The following NEB variants were observed in gnomAD, a reference collection of about 807,000 sequenced individuals.
The protein encoded by NEB is nebulin.
In NEB, 512 loss-of-function variants were observed where a neutral mutation model predicts 952.2. That is an observed-to-expected ratio of 0.54 (90% CI 0.50 to 0.58). The LOEUF (loss-of-function observed/expected upper bound fraction) is 0.58. Among genes scored for constraint, NEB ranks in the 20% least tolerant of loss-of-function variants. The pLI, the probability that NEB is intolerant of heterozygous loss-of-function variation, is 0.00. For synonymous variants in NEB, 2,900 were observed against 3,149.8 expected, an observed-to-expected ratio of 0.92 and a Z score of 2.66; for missense variants, 8,428 against 9,231.1, an observed-to-expected ratio of 0.91 and a Z score of 3.56.
In NEB at chr2:151,561,197, G is replaced by A. The variant is rs1390102789; in HGVS notation, c.19101+11C>T. Reference sequence around the variant, plus strand: ...AGTTTGTCCCTGGAAGAGGAGTACAGGAAGACGCACCTCACTGGCATTAAT... The same window carrying A: ...AGTTTGTCCCTGGAAGAGGAGTACAAGAAGACGCACCTCACTGGCATTAAT... On this transcript the variant is annotated intron_variant, in intron 122 of 181. Coordinates refer to ENST00000397345, the MANE Select transcript of NEB (RefSeq NM_001164508.2). The A allele has an allele frequency of 1.3e-6, 2 of 1,598,556 alleles. No homozygotes were observed. Among genetic ancestry groups the A allele is most frequent in the African/African-American group, 2.7e-5 (2 of 74,686 alleles).
chr2:151,499,760 G>A (rs1323619830), intron 168 of NEB, among the ~76,000 whole-genome samples: 1 of 152,110 alleles, frequency 6.6e-6, no homozygotes, highest in Non-Finnish European at 1.5e-5. Flanking sequence ...TTTGTCTTAC[G>A]GTCTAACAAA....
intron 51 of NEB, among the ~76,000 whole-genome samples, chr2:151,654,661 T>C (rs760889364): frequency 3.3e-5 from 5 of 152,202 alleles, no homozygotes; most frequent in Non-Finnish European, 7.3e-5. Flanking sequence ...AGGTACTGTA[T>C]TGAGAATCTT....
Position 151,672,362 on chromosome 2 carries a change from T to C in NEB, c.4299+7A>G, listed in dbSNP as rs373926259. 99 of 1,582,688 alleles carry C rather than the reference T, an allele frequency of 6.3e-5. No individual in the cohort carries two copies. In the African/African-American group the frequency reaches 1.3e-3, roughly 20 times the overall value. Reference sequence around the variant, plus strand: ...ACATCTCTGGGTCTGTTGTTACACATACTTACATCACTCTGAATTTGATTG... The same window carrying C: ...ACATCTCTGGGTCTGTTGTTACACACACTTACATCACTCTGAATTTGATTG... On this transcript the variant is annotated splice_region_variant and intron_variant, in intron 37 of 181. Transcript: ENST00000397345.
At chr2:151,669,174 T>G in intron 38 of NEB, 43 bp from the exon 39 acceptor site, 1 of 1,334,248 alleles carries the variant, frequency 7.5e-7, no homozygotes, top group South Asian at 1.3e-5. Context: ...TTAGCTGACA[T>G]AATATAAATT....
Position 151,568,143 on chromosome 2 carries a change from G to T in NEB, c.17772C>A (p.Ala5924=). 6.2e-7 allele frequency: 1 copy of T among 1,613,656 alleles called. No individual in the cohort carries two copies. The highest frequency in any genetic ancestry group is 8.5e-7 in the Non-Finnish European group (1 of 1,179,776). The change falls in exon 113 of 182, where the codon GCC becomes GCA. Residue 5924 remains alanine, a synonymous_variant. Coordinates refer to ENST00000397345, the MANE Select transcript of NEB (RefSeq NM_001164508.2). ...CATCTGGAGGCAAAATGTAACCTGT[G>T]GCTTTTTGTCTCTCCCAGCCTTCCT... ...LYKEGWERQK[A]TGYILPPDAV...
At position 151,608,571 on chromosome 2, in the gene NEB, T is replaced by C. The variant is rs2097773904; in HGVS notation, c.12436A>G (p.Arg4146Gly). Reference sequence around the variant, plus strand: ...GCTTCTGGACGTGTCCTATAGAGTCTTTCATTCACGAGGTCTTGAGCAACC... The same window carrying C: ...GCTTCTGGACGTGTCCTATAGAGTCCTTCATTCACGAGGTCTTGAGCAACC... The part of the protein sequence containing the change: ...VKVAQDLVNE[R>G]LYRTRPEALS... The change falls in exon 82 of 182, where the codon AGA becomes GGA. Residue 4146 changes from arginine (R) to glycine (G), a missense_variant. By Grantham distance (125) the Arg-to-Gly change is moderately radical. Around this residue, in one of 11 missense-constraint regions of NEB, gnomAD observed 14 missense variants for 46.4 expected, o/e 0.30. Transcript: ENST00000397345. 3.8e-5 allele frequency: 5 copies of C among 130,458 alleles called. No homozygotes were observed. The East Asian group carries it at 4.7e-4, about 12-fold the overall frequency. 8.1% of individuals were successfully genotyped at this position (130,458 alleles called of 1,614,324 possible). A position where few individuals can be genotyped will look rare whatever the true frequency, so the allele number is the denominator to read the frequency against.
intron 52 of NEB, among the ~76,000 whole-genome samples, chr2:151,651,714 C>T (rs2099031776): frequency 6.6e-6 from 1 of 152,122 alleles, no homozygotes; most frequent in Admixed American, 6.6e-5. Context: ...AATGAGTATA[C>T]TAACAGCATT....
chr2:151,666,491 T>C, intron 40 of NEB, 90 bp from the exon 41 acceptor site: 3 of 1,303,020 alleles, frequency 2.3e-6, no homozygotes, highest in South Asian at 3.0e-5. Flanking sequence ...AAAAGCCAAC[T>C]TCAGTCTGAA....
At chr2:151,701,748 TTCTC>T (rs1438065484) in intron 13 of NEB, among the ~76,000 whole-genome samples, 2 of 150,936 alleles carry the variant, frequency 1.3e-5, no homozygotes, top group African/African-American at 2.4e-5. Flanking sequence ...TATTTGATTC[TTCTC>T]TCTTTTTTTC....
rs1193671623 is a variant in NEB, at chr2:151,555,661, A to G, written c.19315-617T>C. Among the ~76,000 whole-genome samples, 3 of 152,314 alleles carry G rather than the reference A, an allele frequency of 2.0e-5. No individual in the cohort carries two copies. The East Asian group carries it at 5.8e-4, about 29-fold the overall frequency. ...AGATCCAATCTCATAGCACACAATAATAAAATAACAGTTCTTCCAAAACTC... is the reference window on the plus strand; with the variant it reads ...AGATCCAATCTCATAGCACACAATAGTAAAATAACAGTTCTTCCAAAACTC... On this transcript the variant is annotated intron_variant, in intron 124 of 181. Coordinates refer to ENST00000397345, the MANE Select transcript of NEB (RefSeq NM_001164508.2).
At chr2:151,556,134 CA>C (rs896289445) in intron 124 of NEB, among the ~76,000 whole-genome samples, 1 of 152,134 alleles carries the variant, frequency 6.6e-6, no homozygotes, top group Non-Finnish European at 1.5e-5. Flanking sequence ...TGGGTAAAAT[CA>C]AATATGTTAC....
At chr2:151,708,077 C>T (rs1343168517) in intron 12 of NEB, among the ~76,000 whole-genome samples, 1 of 152,178 alleles carries the variant, frequency 6.6e-6, no homozygotes, top group East Asian at 1.9e-4. Flanking sequence ...AAAGCCATCC[C>T]CTCCTCTTAA....
At chr2:151,610,925 A>T in intron 78 of NEB, 59 bp from the exon 79 acceptor site, 1 of 1,039,772 alleles carries the variant, frequency 9.6e-7, no homozygotes, top group Non-Finnish European at 1.4e-6. Context: ...ACCTTCTGTT[A>T]AAGCCAATAA....
At chr2:151,672,268 C>T (rs973862180) in intron 37 of NEB, 101 bp downstream of exon 37, 14 of 1,166,156 alleles carry the variant, frequency 1.2e-5, no homozygotes, top group Non-Finnish European at 1.5e-5. Context: ...TTCTAAAGTG[C>T]ATTTGTCAAA....
chr2:151,720,395 A>G (rs1344703260), intron 9 of NEB, among the ~76,000 whole-genome samples: 1 of 152,232 alleles, frequency 6.6e-6, no homozygotes, highest in Non-Finnish European at 1.5e-5. Flanking sequence ...CATAGTACTG[A>G]CAACAGTATT....
At chr2:151,697,101 G>A (rs780878097) in intron 16 of NEB, 47 bp downstream of exon 16, 1 of 1,389,792 alleles carries the variant, frequency 7.2e-7, no homozygotes, top group Admixed American at 1.9e-5. Flanking sequence ...CTGACCACTA[G>A]ATGCTATGGA....
Position 151,570,395 on chromosome 2 carries a change from G to T in NEB, c.17119-3C>A. ...TCATGGTCAAGCTTATATTTATACT[G>T]GAGATGCAAAAATAAAGCAGATGGG... On this transcript the variant is annotated splice_polypyrimidine_tract_variant and splice_region_variant and intron_variant, in intron 108 of 181. Coordinates refer to ENST00000397345, the MANE Select transcript of NEB (RefSeq NM_001164508.2). 1 of 1,571,258 alleles carries T rather than the reference G, an allele frequency of 6.4e-7. No homozygotes were observed. Among genetic ancestry groups the T allele is most frequent in the Non-Finnish European group, 8.6e-7 (1 of 1,160,090 alleles).
Position 151,518,406 on chromosome 2 carries a change from T to G in NEB, c.22712A>C (p.Lys7571Thr). ...GTAGTGGCCTTTACTCTTCTCATAC[T>G]TCTTCTTGTACTGGTACTGAGGGGA... ...QLASSYQYKK[K>T]YEKSKGHYHT... Residue 7571 changes from lysine (K) to threonine (T), a missense_variant, in exon 156 of 182, where the codon AAG (lysine) becomes ACG (threonine). Coordinates refer to ENST00000397345, the MANE Select transcript of NEB (RefSeq NM_001164508.2). 1 of 1,607,122 alleles carries G rather than the reference T, an allele frequency of 6.2e-7. No homozygotes were observed. Among genetic ancestry groups the G allele is most frequent in the Non-Finnish European group, 8.5e-7 (1 of 1,173,890 alleles).
rs2099604443 is a variant in NEB, at chr2:151,697,451, A to AT, written c.1263dup (p.Tyr422IlefsTer2). 1.2e-6 allele frequency: 2 copies of AT among 1,612,696 alleles called. No individual in the cohort carries two copies. Among genetic ancestry groups the AT allele is most frequent in the Non-Finnish European group, 1.7e-6 (2 of 1,179,110 alleles). On this transcript the variant is annotated frameshift_variant, in exon 15 of 182. Coordinates refer to ENST00000397345, the MANE Select transcript of NEB (RefSeq NM_001164508.2). LOFTEE classifies it high-confidence loss of function. ...ATATCTTTTAAGTAGGAATCTTTAT[A>AT]TTTTTTCTGCAAGACAAAACATACT...
Sources: allele counts gnomAD v4.1 joint callset (sites outside exome capture counted in the v4.1 genomes callset), GRCh38; gene constraint gnomAD v4.1.1; regional missense constraint gnomAD v4.1.1; transcripts MANE v1.5; gene names NCBI Gene and HGNC (gene_info 2026-07-23, HGNC 2026-07-21).